Variants in SEC31B observed in about 807,000 individuals in gnomAD.
SEC31B encodes the protein protein transport protein Sec31B.
In SEC31B, 113 loss-of-function variants were observed where a neutral mutation model predicts 135.0. That is an observed-to-expected ratio of 0.84 (90% CI 0.72 to 0.98). SEC31B has a LOEUF of 0.98. Ranked by LOEUF, SEC31B falls within the 50% of genes least tolerant of loss-of-function variation. The pLI is 0.00. For synonymous variants in SEC31B, 508 were observed against 549.4 expected, an observed-to-expected ratio of 0.92 and a Z score of 1.05; for missense variants, 1,296 against 1,421.1, an observed-to-expected ratio of 0.91 and a Z score of 1.42.
chr10:100,516,931 G>C lies in SEC31B; in HGVS notation c.22C>G (p.Arg8Gly), dbSNP rs369933267. 1 of 1,614,010 alleles carries C rather than the reference G, an allele frequency of 6.2e-7. No homozygotes were observed. The highest frequency in any genetic ancestry group is 8.5e-7 in the Non-Finnish European group (1 of 1,179,940). ...GGGCTCCATGCCTGGACAGCTGGCCGCTCAAGTTCCTTCAGCTTCATGGTC... is the reference window on the plus strand; with the variant it reads ...GGGCTCCATGCCTGGACAGCTGGCCCCTCAAGTTCCTTCAGCTTCATGGTC... MKLKELE[R>G]PAVQAWSPAS... The change falls in exon 2 of 26, where the codon CGG becomes GGG. Residue 8 changes from arginine to glycine, a missense_variant. By Grantham distance (125) the Arg-to-Gly change is moderately radical (BLOSUM62 -2). Coordinates refer to ENST00000370345, the MANE Select transcript of SEC31B (RefSeq NM_015490.4).
chr10:100,495,522 G>C lies in SEC31B; in HGVS notation c.2335C>G (p.Arg779Gly). 1 of 1,613,782 alleles carries C rather than the reference G, an allele frequency of 6.2e-7. No homozygotes were observed. The highest frequency in any genetic ancestry group is 8.5e-7 in the Non-Finnish European group (1 of 1,179,936). Residue 779 changes from arginine (R) to glycine (G), a missense_variant, in exon 19 of 26, where the codon CGG (arginine) becomes GGG (glycine). Physicochemically the swap from Arg to Gly is moderately radical, Grantham distance 125. Coordinates refer to ENST00000370345, the MANE Select transcript of SEC31B (RefSeq NM_015490.4). ...AQPPVQQLRDRLFHAQGSAVL... is the reference protein window; with the variant it reads ...AQPPVQQLRDGLFHAQGSAVL... Reference sequence around the variant, plus strand: ...GCAGAACCTTGAGCATGAAAAAGCCGATCTCTTAGCTGCTGAACTGGTGGC... The same window carrying C: ...GCAGAACCTTGAGCATGAAAAAGCCCATCTCTTAGCTGCTGAACTGGTGGC...
intron 3 of SEC31B, among the ~76,000 whole-genome samples, chr10:100,515,091 G>A (rs558746785): frequency 6.6e-6 from 1 of 151,376 alleles, no homozygotes; most frequent in South Asian, 2.1e-4. Context: ...AGGAGTTCAA[G>A]ACCAGCCTGG....
intron 16 of SEC31B, 81 bp from the exon 17 acceptor site, chr10:100,497,361 C>A (rs1362769369): frequency 2.5e-6 from 4 of 1,577,748 alleles, no homozygotes. Flanking sequence ...AGGGAGAGGA[C>A]CATGAGCCTG....
At chr10:100,507,617 C>T in intron 6 of SEC31B, 50 bp from the exon 7 acceptor site, 1 of 1,608,764 alleles carries the variant, frequency 6.2e-7, no homozygotes, top group East Asian at 2.2e-5. Context: ...CTCTTTTGCC[C>T]AGTTGAAATG....
At chr10:100,506,559 C>T (rs3750626) in intron 7 of SEC31B, 139 bp from the exon 8 acceptor site, 150,219 of 714,076 alleles carry the variant, frequency 0.21, 16,254 homozygotes, top group South Asian at 0.23. Flanking sequence ...TATTATCTTA[C>T]AAATGAATAA....
In SEC31B at chr10:100,488,020, T is replaced by C. The variant is rs780761868; in HGVS notation, c.3360+7A>G. 6.2e-7 allele frequency: 1 copy of C among 1,612,286 alleles called. No individual in the cohort carries two copies. The highest frequency in any genetic ancestry group is 1.1e-5 in the South Asian group (1 of 91,036). On this transcript the variant is annotated splice_region_variant and intron_variant, in intron 25 of 25. Transcript: ENST00000370345. ...GAGGCAGTGGGAGCACAGCTAGCTG[T>C]ACTTACTGTCCCCTCACAGAGCTTC... is the stretch of plus-strand genomic sequence containing the variant.
chr10:100,489,539 G>T, intron 22 of SEC31B, 141 bp from the exon 23 acceptor site: 1 of 1,336,452 alleles, frequency 7.5e-7, no homozygotes, highest in Non-Finnish European at 1.0e-6. Flanking sequence ...TGGTGTATGT[G>T]TGTAAGAGGG....
intron 19 of SEC31B, 42 bp downstream of exon 19, chr10:100,495,343 G>A (rs1375134334): frequency 1.7e-5 from 27 of 1,567,226 alleles, no homozygotes; most frequent in South Asian, 4.6e-5. Context: ...TGCTTGGCAC[G>A]TATTATTGAA....
At chr10:100,515,921 G>C (rs910081586) in intron 3 of SEC31B, among the ~76,000 whole-genome samples, 175 bp downstream of exon 3, 3 of 151,920 alleles carry the variant, frequency 2.0e-5, no homozygotes, top group East Asian at 1.9e-4. Flanking sequence ...GAAAGGGGGG[G>C]GGTGGTTGTT....
Position 100,509,478 on chromosome 10 carries a change from A to T in SEC31B, c.237T>A (p.Ser79Arg), listed in dbSNP as rs1851699429. ...TAACCCCGGAGCTTTCCAGAAGCCCACTGCCAAAGCTCCCCCAGACCAGCT... is the reference window on the plus strand; with the variant it reads ...TAACCCCGGAGCTTTCCAGAAGCCCTCTGCCAAAGCTCCCCCAGACCAGCT... Reference protein sequence around the residue: ...FHKLVWGSFGSGLLESSGVIV... With the variant: ...FHKLVWGSFGRGLLESSGVIV... Residue 79 changes from serine to arginine, a missense_variant, in exon 4 of 26, where the codon AGT (serine) becomes AGA (arginine). Transcript: ENST00000370345. The T allele has an allele frequency of 6.2e-7, 1 of 1,613,928 alleles. No homozygotes were observed. The highest frequency in any genetic ancestry group is 2.2e-5 in the East Asian group (1 of 44,882).
intron 9 of SEC31B, 122 bp downstream of exon 9, chr10:100,505,918 C>A: frequency 6.5e-7 from 1 of 1,542,198 alleles, no homozygotes; most frequent in Non-Finnish European, 8.7e-7. Context: ...AGGTGCAGCC[C>A]TCCCAAACCC....
intron 8 of SEC31B, 51 bp downstream of exon 8, chr10:100,506,270 C>A (rs1190126904): frequency 6.2e-7 from 1 of 1,613,994 alleles, no homozygotes; most frequent in Non-Finnish European, 8.5e-7. Flanking sequence ...AGCTGAGATT[C>A]TTCTACCCTC....
chr10:100,505,870 A>C (rs1851619672), intron 9 of SEC31B, 170 bp downstream of exon 9: 1 of 1,499,954 alleles, frequency 6.7e-7, no homozygotes, highest in Admixed American at 2.2e-5. Flanking sequence ...ATTGTGGCAG[A>C]AACTAACATC....
rs1224698600 is a variant in SEC31B at position 100,489,275 on chromosome 10, CT to C, written c.3147del (p.Val1050PhefsTer29). 1 of 1,609,580 alleles carries C rather than the reference CT, an allele frequency of 6.2e-7. No individual in the cohort carries two copies. The highest frequency in any genetic ancestry group is 1.1e-5 in the South Asian group (1 of 90,142). On this transcript the variant is annotated frameshift_variant, in exon 23 of 26. Coordinates refer to ENST00000370345, the MANE Select transcript of SEC31B (RefSeq NM_015490.4). LOFTEE classifies it high-confidence loss of function. ...PVSSVSHAPPGVPGELSLQLQ... is the reference protein window; with the variant it reads ...PVSSVSHAPPXVPGELSLQLQ... Reference sequence around the variant, plus strand: ...ACCTGCAGGCTGAGTTCTCCTGGAACTCCTGGGGGAGCATGACTCACACTGG... The same window carrying C: ...ACCTGCAGGCTGAGTTCTCCTGGAACCCTGGGGGAGCATGACTCACACTGG...
chr10:100,497,490 C>T, intron 16 of SEC31B, 177 bp downstream of exon 16: 1 of 1,479,750 alleles, frequency 6.8e-7, no homozygotes, highest in Non-Finnish European at 9.0e-7. Flanking sequence ...AGGATCCCCT[C>T]TGAAAATAGG....
chr10:100,507,260 T>C (rs1564652763), intron 7 of SEC31B, among the ~76,000 whole-genome samples, 165 bp downstream of exon 7: 1 of 152,208 alleles, frequency 6.6e-6, no homozygotes, highest in African/African-American at 2.4e-5. Context: ...AAGGGCCTCC[T>C]CTTGGTTAAG....
chr10:100,495,354 T>C (rs1345643990), intron 19 of SEC31B, 31 bp downstream of exon 19: 2 of 1,597,244 alleles, frequency 1.3e-6, no homozygotes, highest in East Asian at 2.2e-5. Flanking sequence ...TATTATTGAA[T>C]GAACAAATGA....
chr10:100,519,320 TGC>T (rs1202002473), intron 1 of SEC31B, among the ~76,000 whole-genome samples: 14 of 152,198 alleles, frequency 9.2e-5, no homozygotes, highest in African/African-American at 3.4e-4. Flanking sequence ...ACCAATGAAA[TGC>T]TCGACAGACC....
At chr10:100,495,965 T>C (rs1335015244) in intron 18 of SEC31B, among the ~76,000 whole-genome samples, 1 of 152,176 alleles carries the variant, frequency 6.6e-6, no homozygotes, top group Non-Finnish European at 1.5e-5. Context: ...AAGCTACTTC[T>C]CTTTGAAGGT....
Sources: gnomAD v4.1 joint callset for allele counts (sites outside exome capture counted in the v4.1 genomes callset) on GRCh38, gnomAD v4.1.1 for gene constraint, MANE v1.5 for transcripts, NCBI Gene and HGNC (gene_info 2026-07-23, HGNC 2026-07-21) for gene names.